EP400: variants seen among roughly 807,000 people sequenced by gnomAD.
EP400 encodes E1A-binding protein p400.
A neutral mutation model predicts 354.1 loss-of-function variants in EP400; 105 were observed. That is an observed-to-expected ratio of 0.30 (90% CI 0.25 to 0.35). The LOEUF (loss-of-function observed/expected upper bound fraction) is 0.35. Among genes scored for constraint, EP400 ranks in the 10% least tolerant of loss-of-function variants. The pLI is 1.00. For missense variants in EP400, 3,280 were observed against 4,121.0 expected (o/e 0.80, Z 5.59); for synonymous variants, 1,646 against 1,716.9 (o/e 0.96, Z 1.02).
chr12:132,044,322 C>G lies in EP400; in HGVS notation c.6585+11C>G. On this transcript the variant is annotated intron_variant, in intron 35 of 52. Coordinates refer to ENST00000389561, the MANE Select transcript of EP400 (RefSeq NM_015409.5). ...GATGCCTACAGCATGGTACCCGGCC[C>G]GGGGCCCTCCTGCCCTCTTGCCCCC... The G allele has an allele frequency of 6.2e-7, 1 of 1,609,110 alleles. No homozygotes were observed. The highest frequency in any genetic ancestry group is 8.5e-7 in the Non-Finnish European group (1 of 1,176,728).
At chr12:132,008,246 C>T (rs1193672651) in intron 15 of EP400, among the ~76,000 whole-genome samples, 4 of 152,182 alleles carry the variant, frequency 2.6e-5, no homozygotes, top group African/African-American at 7.2e-5. Flanking sequence ...CCGCACCCGG[C>T]CTGAGGGTTC....
chr12:132,023,995 C>A, intron 24 of EP400, 54 bp downstream of exon 24: 1 of 1,488,938 alleles, frequency 6.7e-7, no homozygotes, highest in South Asian at 1.3e-5. Flanking sequence ...AGCGCCTCAC[C>A]ATGAGCCCTG....
At chr12:132,064,019 T>G (rs1010760805) in intron 47 of EP400, among the ~76,000 whole-genome samples, 1 of 122,598 alleles carries the variant, frequency 8.2e-6, no homozygotes, top group African/African-American at 3.7e-5. Context: ...GTTCAACCAC[T>G]GATGACCCCC....
rs751720758 is a variant in EP400, at chr12:131,990,130, C to T, written c.2550+26C>T. The T allele has an allele frequency of 2.7e-5, 42 of 1,582,704 alleles. No individual in the cohort carries two copies. Among genetic ancestry groups the T allele is most frequent in the Middle Eastern group, 1.7e-4 (1 of 5,880 alleles). ...GCGAGTGCTGCCGTTGTCATGGGGT[C>T]GTAAGAATCAGTCTGTCGGAGCTGG... On this transcript the variant is annotated intron_variant, in intron 8 of 52. Transcript: ENST00000389561. This position sits in a 1 kb window ranked among gnomAD's most constrained non-coding sequence, Gnocchi z 4.2.
In EP400 at chr12:132,062,708, A is replaced by G; in HGVS notation, c.8334+7A>G. 3.7e-6 allele frequency: 6 copies of G among 1,612,972 alleles called. No individual in the cohort carries two copies. The highest frequency in any genetic ancestry group is 5.1e-6 in the Non-Finnish European group (6 of 1,179,006). The stretch of plus-strand genomic sequence containing the variant: ...TGTGGGCAAGCTGACGCCGGTGAGC[A>G]TTTCCCAGAGGACCATGAACGTGTG... On this transcript the variant is annotated splice_region_variant and intron_variant, in intron 47 of 52. Transcript: ENST00000389561.
chr12:132,064,965 C>G, intron 48 of EP400, 79 bp downstream of exon 48: 1 of 1,513,268 alleles, frequency 6.6e-7, no homozygotes, highest in Non-Finnish European at 8.8e-7. Flanking sequence ...TGCTCAGGTG[C>G]GTGTCACGTG....
At chr12:132,055,703 GGTGTGT>G (rs372491957) in intron 45 of EP400, among the ~76,000 whole-genome samples, 2 of 124,466 alleles carry the variant, frequency 1.6e-5, no homozygotes, top group African/African-American at 3.1e-5. Flanking sequence ...GAAGTGTAGG[GGTGTGT>G]GTGTGTGTGA....
Position 132,025,690 on chromosome 12 carries a change from C to T in EP400, c.4900C>T (p.Arg1634Ter). 1.2e-6 allele frequency: 2 copies of T among 1,613,070 alleles called. No homozygotes were observed. The highest frequency in any genetic ancestry group is 1.7e-6 in the Non-Finnish European group (2 of 1,179,696). The change falls in exon 25 of 53, where the codon CGA becomes TGA. Residue 1634 changes from arginine (R) to a stop codon, truncating the protein, a stop_gained. Coordinates refer to ENST00000389561, the MANE Select transcript of EP400 (RefSeq NM_015409.5). LOFTEE classifies it high-confidence loss of function. The surrounding 1 kb of genome is among the most constrained non-coding windows in gnomAD (Gnocchi z 4.1). ...GTCCGCCCCCGGGCAGCCCTACCTT[C>T]GAGCCCCTGGCCCTGTGGTGATGCA... ...IVSAPGQPYL[R>*]APGPVVMQTV...
rs1417996716 is a variant in EP400, at chr12:131,999,759, T to C, written c.2827+4803T>C. On this transcript the variant is annotated intron_variant, in intron 12 of 52. Coordinates refer to ENST00000389561, the MANE Select transcript of EP400 (RefSeq NM_015409.5). ...GGCCCTCATACATTAAATTGAGGAA[T>C]ATGACTTTTTCTTTTCTTCATAGTC... 3.9e-5 allele frequency among the ~76,000 whole-genome samples: 6 copies of C among 152,174 alleles called. No individual in the cohort carries two copies. In the East Asian group the frequency reaches 1.2e-3, roughly 29 times the overall value.
chr12:132,004,822 C>T (rs1008196573), intron 12 of EP400, among the ~76,000 whole-genome samples: 1 of 152,290 alleles, frequency 6.6e-6, no homozygotes, highest in South Asian at 2.1e-4. Context: ...TCATCATTCC[C>T]CTTGCATCCC....
At chr12:132,030,577 C>T (rs754936567) in intron 29 of EP400, among the ~76,000 whole-genome samples, 2 of 152,184 alleles carry the variant, frequency 1.3e-5, no homozygotes, top group Non-Finnish European at 2.9e-5. Context: ...CATATCCTCC[C>T]GTGAAAGCAT....
chr12:132,063,137 G>A (rs1895763591), intron 47 of EP400, among the ~76,000 whole-genome samples: 1 of 152,192 alleles, frequency 6.6e-6, no homozygotes, highest in Admixed American at 6.5e-5. Context: ...CTCAAAGGTG[G>A]TCATTGGAGT....
intron 1 of EP400, among the ~76,000 whole-genome samples, chr12:131,957,024 A>G (rs1193735954): frequency 6.6e-6 from 1 of 151,776 alleles, no homozygotes; most frequent in African/African-American, 2.4e-5. Flanking sequence ...GGCATGTGCC[A>G]CCACGCCCGG....
At chr12:132,055,510 G>T (rs1356528974) in intron 45 of EP400, among the ~76,000 whole-genome samples, 1 of 140,494 alleles carries the variant, frequency 7.1e-6, no homozygotes, top group Non-Finnish European at 1.6e-5. Flanking sequence ...AGGTGTGTGT[G>T]TGTGAGGTGT....
At position 131,960,169 on chromosome 12, in the gene EP400, G is replaced by A. The variant is rs118007405; in HGVS notation, c.-35-416G>A. On this transcript the variant is annotated intron_variant, in intron 1 of 52. Transcript: ENST00000389561. ...TGTTGGCTTCAGACCTTGCTCTTCT[G>A]CCTGCTGGCTGCGTGGCCTTGAACA... 4.6e-3 allele frequency among the ~76,000 whole-genome samples: 701 copies of A among 152,312 alleles called. 2 individuals carry two copies. Among genetic ancestry groups the A allele is most frequent in the Non-Finnish European group, 6.7e-3 (457 of 68,014 alleles).
rs1260858413 is a variant in EP400, at chr12:132,017,252, C to T, written c.3924-283C>T. ...TGCTCATCCCCCTTGGATGCCCCCA[C>T]TTCTCTTTCAGAGCACTCGGTATGA... On this transcript the variant is annotated intron_variant, in intron 19 of 52. Transcript: ENST00000389561. The surrounding 1 kb of genome is among the most constrained non-coding windows in gnomAD (Gnocchi z 5.0). Among the ~76,000 whole-genome samples, 1 of 152,270 alleles carries T rather than the reference C, an allele frequency of 6.6e-6. No individual in the cohort carries two copies. Among genetic ancestry groups the T allele is most frequent in the Non-Finnish European group, 1.5e-5 (1 of 68,052 alleles).
At chr12:131,964,650 C>T (rs1468569884) in intron 2 of EP400, among the ~76,000 whole-genome samples, 1 of 152,152 alleles carries the variant, frequency 6.6e-6, no homozygotes, top group African/African-American at 2.4e-5. Flanking sequence ...CCCCTTATAT[C>T]CTTTACCAAA....
In EP400 at chr12:132,018,214, C is replaced by T. The variant is rs755376289; in HGVS notation, c.4115C>T (p.Ala1372Val). The change falls in exon 21 of 53, where the codon GCA becomes GTA. Residue 1372 changes from alanine to valine, a missense_variant. Coordinates refer to ENST00000389561, the MANE Select transcript of EP400 (RefSeq NM_015409.5). The surrounding 1 kb of genome is among the most constrained non-coding windows in gnomAD (Gnocchi z 4.0). ...KALERDFWKE[A>V]DLSMFDLIGL... ...TTTTTTTCTTTTTCTCTCTAGGAAG[C>T]AGATCTTTCTATGTTTGATCTCATC... The T allele has an allele frequency of 4.3e-6, 7 of 1,609,722 alleles. No homozygotes were observed. The highest frequency in any genetic ancestry group is 5.9e-6 in the Non-Finnish European group (7 of 1,179,042).
rs1390429234 is a variant in EP400, at chr12:132,013,225, T to G, written c.3611+47T>G. 3 of 1,560,760 alleles carry G rather than the reference T, an allele frequency of 1.9e-6. No homozygotes were observed. The highest frequency in any genetic ancestry group is 2.6e-6 in the Non-Finnish European group (3 of 1,149,312). ...CATTGAGTGTTCTTTGCTGTTGATG[T>G]AGAAGATTCTCTTGAAGAAATCTGC... On this transcript the variant is annotated intron_variant, in intron 17 of 52. Coordinates refer to ENST00000389561, the MANE Select transcript of EP400 (RefSeq NM_015409.5). This position sits in a 1 kb window ranked among gnomAD's most constrained non-coding sequence, Gnocchi z 4.5.
Sources: gnomAD v4.1 joint callset for allele counts (sites outside exome capture counted in the v4.1 genomes callset) on GRCh38, gnomAD v4.1.1 for gene constraint, Gnocchi (gnomAD v3.1) non-coding constraint, MANE v1.5 for transcripts, NCBI Gene and HGNC (gene_info 2026-07-23, HGNC 2026-07-21) for gene names.